BCL7A: variants seen among roughly 807,000 people sequenced by gnomAD.
The protein encoded by BCL7A is BAF chromatin remodeling complex subunit BCL7A.
A neutral mutation model predicts 28.4 loss-of-function variants in BCL7A; 11 were observed. That is an observed-to-expected ratio of 0.39 (90% CI 0.24 to 0.64). BCL7A has a LOEUF of 0.64. BCL7A is among the 30% of genes least tolerant of loss of function. BCL7A has a pLI of 0.50. For missense variants in BCL7A, 222 were observed against 274.8 expected, an observed-to-expected ratio of 0.81 and a Z score of 1.36; for synonymous variants, 123 against 103.3, an observed-to-expected ratio of 1.19 and a Z score of -1.15.
chr12:122,055,032 C>A, intron 5 of BCL7A, 106 bp downstream of exon 5: 1 of 1,595,722 alleles, frequency 6.3e-7, no homozygotes, highest in South Asian at 1.1e-5. Context: ...GTTGTTTTGT[C>A]GTTGGACCAT....
chr12:122,028,256 A>G (rs1482660342), intron 1 of BCL7A, among the ~76,000 whole-genome samples: 1 of 152,216 alleles, frequency 6.6e-6, no homozygotes, highest in African/African-American at 2.4e-5. Context: ...GAGAGGCACG[A>G]AAGCCTGGCT....
intron 1 of BCL7A, among the ~76,000 whole-genome samples, chr12:122,025,946 C>CAAAAAAAAAAAAA (rs1204623444): frequency 6.5e-5 from 7 of 108,154 alleles, no homozygotes; most frequent in African/African-American, 1.0e-4. Context: ...GACTCCATCT[C>CAAAAAAAAAAAAA]AAAAAAAAAA....
intron 1 of BCL7A, among the ~76,000 whole-genome samples, chr12:122,023,459 G>C (rs1412673599): frequency 1.3e-5 from 2 of 152,192 alleles, no homozygotes; most frequent in Non-Finnish European, 2.9e-5. Flanking sequence ...CTCCGGTGTG[G>C]CGGTGTCACA....
intron 3 of BCL7A, among the ~76,000 whole-genome samples, chr12:122,037,204 A>G (rs1199176543): frequency 5.3e-5 from 8 of 151,970 alleles, no homozygotes; most frequent in African/African-American, 1.2e-4. Context: ...TGGCTCACCC[A>G]CTGCCTCTTT....
Position 122,059,896 on chromosome 12 carries a change from C to G in BCL7A, c.*733C>G, listed in dbSNP as rs1951906572. 4.3e-6 allele frequency: 1 copy of G among 232,510 alleles called. No homozygotes were observed. The highest frequency in any genetic ancestry group is 8.5e-6 in the Non-Finnish European group (1 of 117,630). 14.4% of individuals were successfully genotyped at this position (232,510 alleles called of 1,614,324 possible). A position where few individuals can be genotyped will look rare whatever the true frequency, so the allele number is the denominator to read the frequency against. ...GGCTGGGCACTCGCTGTGCTCTCCC[C>G]TCCTTGGGGCGTTTAGGACTGGGCG... is the stretch of plus-strand genomic sequence containing the variant. On this transcript the variant is annotated 3_prime_UTR_variant, in exon 6 of 6. Coordinates refer to ENST00000261822, the MANE Select transcript of BCL7A (RefSeq NM_001024808.3). The surrounding 1 kb of genome is among the most constrained non-coding windows in gnomAD (Gnocchi z 4.0).
At chr12:122,030,189 C>A (rs1362465233) in intron 1 of BCL7A, among the ~76,000 whole-genome samples, 2 of 152,350 alleles carry the variant, frequency 1.3e-5, no homozygotes, top group Non-Finnish European at 1.5e-5. Flanking sequence ...GGGCATTCTT[C>A]CGGCAGAGTG....
At chr12:122,055,582 G>A (rs1951873025) in intron 5 of BCL7A, among the ~76,000 whole-genome samples, 1 of 152,142 alleles carries the variant, frequency 6.6e-6, no homozygotes, top group South Asian at 2.1e-4. Flanking sequence ...GGTGTCATTG[G>A]CCATGACCAC....
chr12:122,043,795 C>A, intron 3 of BCL7A, 91 bp from the exon 4 acceptor site: 1 of 1,348,538 alleles, frequency 7.4e-7, no homozygotes, highest in Non-Finnish European at 9.9e-7. Context: ...GGGTTCCGGG[C>A]ATTGAGGCAC....
At position 122,029,135 on chromosome 12, in the gene BCL7A, CGGTTTCTTT is replaced by C. The variant is rs1328694567; in HGVS notation, c.93-1564_93-1556del. Among the ~76,000 whole-genome samples the C allele has an allele frequency of 6.6e-6, 1 of 152,114 alleles. No individual in the cohort carries two copies. The highest frequency in any genetic ancestry group is 6.6e-5 in the Admixed American group (1 of 15,254). ...AGTTCACCTTCACCGCCCTGTGCCT[CGGTTTCTTT>C]ATCTGTCAAATGGGGAAGTTGCCAT... On this transcript the variant is annotated intron_variant, in intron 1 of 5. Coordinates refer to ENST00000261822, the MANE Select transcript of BCL7A (RefSeq NM_001024808.3). This position sits in a 1 kb window ranked among gnomAD's most constrained non-coding sequence, Gnocchi z 4.3.
chr12:122,058,557 G>A (rs758893702), intron 5 of BCL7A, among the ~76,000 whole-genome samples: 21 of 152,166 alleles, frequency 1.4e-4, no homozygotes, highest in Non-Finnish European at 2.9e-4. Context: ...TACTTGGGAG[G>A]CTGAGGCAGG....
intron 4 of BCL7A, among the ~76,000 whole-genome samples, chr12:122,052,024 G>A (rs538116939): frequency 7.8e-4 from 119 of 151,734 alleles, no homozygotes; most frequent in Non-Finnish European, 1.5e-3. Flanking sequence ...ACAGGCACCT[G>A]CCATCACACC....
chr12:122,061,014 G>A lies in BCL7A; in HGVS notation c.*1851G>A, dbSNP rs1279395431. ...TTTTGCCCCTTAGGCAGTCAGTTTTGTTGAGAACTGTGTCCTGCATCCTGG... is the reference window on the plus strand; with the variant it reads ...TTTTGCCCCTTAGGCAGTCAGTTTTATTGAGAACTGTGTCCTGCATCCTGG... On this transcript the variant is annotated 3_prime_UTR_variant, in exon 6 of 6. Coordinates refer to ENST00000261822, the MANE Select transcript of BCL7A (RefSeq NM_001024808.3). 4.4e-6 allele frequency: 1 copy of A among 225,150 alleles called. No individual in the cohort carries two copies. Among genetic ancestry groups the A allele is most frequent in the Non-Finnish European group, 8.9e-6 (1 of 112,944 alleles). 13.9% of individuals were successfully genotyped at this position (225,150 alleles called of 1,614,324 possible). A position where few individuals can be genotyped will look rare whatever the true frequency, so the allele number is the denominator to read the frequency against.
At chr12:122,058,007 T>C (rs1951889911) in intron 5 of BCL7A, among the ~76,000 whole-genome samples, 1 of 150,596 alleles carries the variant, frequency 6.6e-6, no homozygotes, top group African/African-American at 2.4e-5. Flanking sequence ...CTGGGCAGCA[T>C]AGCAAGACCC....
Position 122,023,455 on chromosome 12 carries a change from T to C in BCL7A, c.92+1272T>C, listed in dbSNP as rs957298047. Among the ~76,000 whole-genome samples the C allele has an allele frequency of 2.6e-5, 4 of 152,116 alleles. No individual in the cohort carries two copies. In the East Asian group the frequency reaches 7.7e-4, roughly 29 times the overall value. ...AAAGCCACTGGGGGCGAGCCTCCGG[T>C]GTGGCGGTGTCACAAGTTAGCTGTC... On this transcript the variant is annotated intron_variant, in intron 1 of 5. Transcript: ENST00000261822.
In BCL7A at chr12:122,060,953, TTC is replaced by T. The variant is rs1423405323; in HGVS notation, c.*1792_*1793del. The stretch of plus-strand genomic sequence containing the variant: ...GTTGAAGTTAGCAATGCCGAAAGGT[TTC>T]TGTCTTAAAAAAAAAAATCCTTGTA... On this transcript the variant is annotated 3_prime_UTR_variant, in exon 6 of 6. Transcript: ENST00000261822. 1 of 227,030 alleles carries T rather than the reference TTC, an allele frequency of 4.4e-6. No individual in the cohort carries two copies. Among genetic ancestry groups the T allele is most frequent in the Non-Finnish European group, 8.8e-6 (1 of 114,118 alleles). 14.1% of individuals were successfully genotyped at this position (227,030 alleles called of 1,614,324 possible). A position where few individuals can be genotyped will look rare whatever the true frequency, so the allele number is the denominator to read the frequency against.
At position 122,022,141 on chromosome 12, in the gene BCL7A, A is replaced by G. The variant is rs762927012; in HGVS notation, c.50A>G (p.Asp17Gly). Residue 17 changes from aspartate (D) to glycine (G), a missense_variant, in exon 1 of 6, where the codon GAT becomes GGT. Transcript: ENST00000261822. ...GAGACGAGGAGCCGGGCCAAAGATG[A>G]TATCAAGAGGGTCATGGCGGCGATC... ...RAETRSRAKD[D>G]IKRVMAAIEK... 1.3e-6 allele frequency: 2 copies of G among 1,582,684 alleles called. No homozygotes were observed. Among genetic ancestry groups the G allele is most frequent in the Non-Finnish European group, 1.7e-6 (2 of 1,163,580 alleles).
chr12:122,049,029 A>T (rs1167703612), intron 4 of BCL7A, among the ~76,000 whole-genome samples: 49 of 69,024 alleles, frequency 7.1e-4, no homozygotes, highest in African/African-American at 1.9e-3. Flanking sequence ...AAAAAAAAAA[A>T]AAAAAAATAT....
intron 1 of BCL7A, among the ~76,000 whole-genome samples, chr12:122,022,997 C>G (rs1281284702): frequency 6.6e-6 from 1 of 152,104 alleles, no homozygotes; most frequent in African/African-American, 2.4e-5. Flanking sequence ...GTTTGTTTTG[C>G]GGAGGGAGCT....
At chr12:122,038,940 C>T (rs1048970735) in intron 3 of BCL7A, among the ~76,000 whole-genome samples, 5 of 151,822 alleles carry the variant, frequency 3.3e-5, no homozygotes, top group African/African-American at 1.2e-4. Context: ...TTTGGGAGGC[C>T]GAGTTAGGAG....
Sources: gnomAD v4.1 joint callset for allele counts (sites outside exome capture counted in the v4.1 genomes callset) on GRCh38, gnomAD v4.1.1 for gene constraint, Gnocchi (gnomAD v3.1) non-coding constraint, MANE v1.5 for transcripts, NCBI Gene and HGNC (gene_info 2026-07-23, HGNC 2026-07-21) for gene names.